GSAP: variants seen among roughly 807,000 people sequenced by gnomAD.
GSAP encodes gamma-secretase-activating protein.
Under a neutral mutation model 131.7 loss-of-function variants are expected in GSAP, and 118 were observed. The ratio of observed to expected loss-of-function variants is 0.90; its 90% confidence interval spans 0.77 to 1.04. The LOEUF (loss-of-function observed/expected upper bound fraction) is 1.04. GSAP is among the 50% of genes least tolerant of loss of function. GSAP has a pLI of 0.00. For synonymous variants in GSAP, 381 were observed against 363.4 expected (o/e 1.05, Z -0.55); for missense variants, 1,019 against 1,013.2 (o/e 1.01, Z -0.08).
At chr7:77,363,600 G>GA (rs1563033092) in intron 12 of GSAP, among the ~76,000 whole-genome samples, 1 of 152,066 alleles carries the variant, frequency 6.6e-6, no homozygotes, top group Non-Finnish European at 1.5e-5. Flanking sequence ...AATCGTGGTA[G>GA]AAAAAAAGTC....
At chr7:77,411,892 G>T (rs556968410) in intron 1 of GSAP, among the ~76,000 whole-genome samples, 4 of 152,258 alleles carry the variant, frequency 2.6e-5, no homozygotes, top group African/African-American at 9.6e-5. Flanking sequence ...TTAAGATGTT[G>T]TCATGGCCGG....
chr7:77,330,631 C>CACTTCCCAAAACCAACAGG (rs1488314249), intron 19 of GSAP: 23 of 1,046,370 alleles, frequency 2.2e-5, no homozygotes, highest in Non-Finnish European at 2.5e-5. Context: ...AACTGCTGCT[C>CACTTCCCAAAACCAACAGG]ACTTCCCAAA....
Position 77,377,329 on chromosome 7 carries a change from T to A in GSAP, c.638A>T (p.Gln213Leu). ...DRIAEDFVWA[Q>L]WDMSEQRLYY... ...TAATCTCTGTTCTGACATATCCCAC[T>A]GAGCCCAAACGAAATCCTCAGCTAT... Residue 213 changes from glutamine to leucine, a missense_variant, in exon 9 of 31, where the codon CAG becomes CTG. Physicochemically the swap from Gln to Leu is moderately radical, Grantham distance 113. Coordinates refer to ENST00000257626, the MANE Select transcript of GSAP (RefSeq NM_017439.4). The A allele has an allele frequency of 1.3e-6, 2 of 1,583,412 alleles. No homozygotes were observed. Among genetic ancestry groups the A allele is most frequent in the Non-Finnish European group, 1.7e-6 (2 of 1,168,230 alleles).
At chr7:77,404,851 G>T (rs534452761) in intron 2 of GSAP, among the ~76,000 whole-genome samples, 1 of 152,142 alleles carries the variant, frequency 6.6e-6, no homozygotes. Flanking sequence ...GTAGGACTGA[G>T]CATGGTGGGC....
intron 20 of GSAP, 47 bp from the exon 21 acceptor site, chr7:77,329,438 G>T (rs373816698): frequency 2.7e-6 from 3 of 1,101,560 alleles, no homozygotes; most frequent in South Asian, 1.5e-5. Flanking sequence ...AGGTTTTATC[G>T]GTGACTTTTC....
chr7:77,351,698 G>C (rs1201900034), intron 18 of GSAP: 6 of 985,734 alleles, frequency 6.1e-6, no homozygotes, highest in Non-Finnish European at 7.2e-6. Flanking sequence ...ATCTTGAGAA[G>C]TGCAAAAGGG....
intron 2 of GSAP, 26 bp downstream of exon 2, chr7:77,406,003 C>A: frequency 2.5e-6 from 2 of 814,418 alleles, no homozygotes; most frequent in Non-Finnish European, 1.7e-6. Context: ...TACATCTTAC[C>A]ACAATAAAAA....
chr7:77,381,579 T>C (rs188924606), intron 7 of GSAP, among the ~76,000 whole-genome samples: 131 of 152,332 alleles, frequency 8.6e-4, no homozygotes, highest in African/African-American at 2.8e-3. Context: ...GTCCTGCATT[T>C]ATTCTGCTCC....
At chr7:77,362,506 C>T (rs557727461) in intron 13 of GSAP, 77 bp downstream of exon 13, 1 of 769,088 alleles carries the variant, frequency 1.3e-6, no homozygotes, top group East Asian at 2.6e-5. Context: ...ACTAATAACA[C>T]TGTTAAGAGC....
At chr7:77,349,115 G>C (rs150533674) in intron 19 of GSAP, among the ~76,000 whole-genome samples, 1 of 152,178 alleles carries the variant, frequency 6.6e-6, no homozygotes, top group Non-Finnish European at 1.5e-5. Flanking sequence ...GTTGAGCACC[G>C]TAATTCTCTC....
intron 3 of GSAP, among the ~76,000 whole-genome samples, chr7:77,400,421 C>T (rs1384520800): frequency 2.0e-5 from 3 of 152,172 alleles, no homozygotes; most frequent in African/African-American, 7.2e-5. Context: ...TTTCCCCCAT[C>T]CTGCTCCTCT....
intron 19 of GSAP, among the ~76,000 whole-genome samples, chr7:77,335,086 TAAAAAAAAAAAG>T (rs1789777641): frequency 7.6e-6 from 1 of 131,772 alleles, no homozygotes; most frequent in African/African-American, 2.8e-5. Flanking sequence ...CCGTCTCAAT[TAAAAAAAAAAAG>T]AAAAAAAGAA....
Position 77,355,603 on chromosome 7 carries a change from G to C in GSAP, c.1072C>G (p.Leu358Val), listed in dbSNP as rs1359445785. 6.2e-7 allele frequency: 1 copy of C among 1,609,840 alleles called. No individual in the cohort carries two copies. Among genetic ancestry groups the C allele is most frequent in the South Asian group, 1.1e-5 (1 of 90,988 alleles). ...VYLPGHFFHL[L>V]NVQHPDLICH... ...ATCAGGTCTGGATGTTGAACATTAA[G>C]TAGGTGGAAGAAATGACCAGGTAAG... The change falls in exon 15 of 31, where the codon CTT becomes GTT. Residue 358 changes from leucine to valine, a missense_variant. Coordinates refer to ENST00000257626, the MANE Select transcript of GSAP (RefSeq NM_017439.4).
At chr7:77,322,577 TGTGA>T (rs1787802042) in intron 24 of GSAP, among the ~76,000 whole-genome samples, 1 of 144,436 alleles carries the variant, frequency 6.9e-6, no homozygotes, top group African/African-American at 2.6e-5. Context: ...CACTGTGTGT[TGTGA>T]GTTTTTTTTT....
intron 28 of GSAP, 81 bp from the exon 29 acceptor site, chr7:77,312,283 AAAAGTATTATTCC>A: frequency 1.5e-6 from 1 of 684,776 alleles, no homozygotes; most frequent in East Asian, 2.8e-5. Context: ...TCATAATTTT[AAAAGTATTATTCC>A]AAAGTAGCTG....
chr7:77,337,678 T>C (rs1790243740), intron 19 of GSAP, among the ~76,000 whole-genome samples: 1 of 152,088 alleles, frequency 6.6e-6, no homozygotes, highest in South Asian at 2.1e-4. Context: ...TAATCAACAA[T>C]CTCTAACAAG....
intron 18 of GSAP, chr7:77,351,293 G>A (rs1792832971): frequency 1.1e-6 from 1 of 945,978 alleles, no homozygotes; most frequent in Non-Finnish European, 1.3e-6. Flanking sequence ...ATAGTTGTTT[G>A]CAAAACATAA....
At position 77,387,367 on chromosome 7, in the gene GSAP, C is replaced by G. The variant is rs77652606; in HGVS notation, c.449G>C (p.Trp150Ser). The change falls in exon 6 of 31, where the codon TGG becomes TCG. Residue 150 changes from tryptophan (W) to serine (S), a missense_variant. Coordinates refer to ENST00000257626, the MANE Select transcript of GSAP (RefSeq NM_017439.4). ...AATGGCATGCTTACTTACCTGAACC[C>G]AAATATAGCTATCCACAGCCTTTAG... is the stretch of plus-strand genomic sequence containing the variant. ...KVLKAVDSYI[W>S]VQFLYPHIES... The G allele has an allele frequency of 3.9e-6, 6 of 1,550,190 alleles. No homozygotes were observed. In the Admixed American group the frequency reaches 8.4e-5, roughly 22 times the overall value.
Position 77,311,232 on chromosome 7 carries a change from T to C in GSAP, c.*126A>G, listed in dbSNP as rs1179234257. The C allele has an allele frequency of 3.0e-6, 2 of 663,950 alleles. No homozygotes were observed. Among genetic ancestry groups the C allele is most frequent in the Non-Finnish European group, 5.3e-6 (2 of 374,976 alleles). 41.1% of individuals were successfully genotyped at this position (663,950 alleles called of 1,614,324 possible). A position where few individuals can be genotyped will look rare whatever the true frequency, so the allele number is the denominator to read the frequency against. The stretch of plus-strand genomic sequence containing the variant: ...AACGTGTACCAACCTGAAACTCACA[T>C]GGCTAAACAATTATGGCTAAACTAT... On this transcript the variant is annotated 3_prime_UTR_variant, in exon 31 of 31. Transcript: ENST00000257626.
Sources: gnomAD v4.1 joint callset for allele counts (sites outside exome capture counted in the v4.1 genomes callset) on GRCh38, gnomAD v4.1.1 for gene constraint, MANE v1.5 for transcripts, NCBI Gene and HGNC (gene_info 2026-07-23, HGNC 2026-07-21) for gene names.